FAM234B: variants seen among roughly 807,000 people sequenced by gnomAD.
FAM234B encodes family with sequence similarity 234 member B.
In FAM234B, 33 loss-of-function variants were observed where a neutral mutation model predicts 69.3. The observed-to-expected ratio is 0.48, with a 90% CI of 0.36 to 0.64. The LOEUF is 0.64. Among genes scored for constraint, FAM234B ranks in the 30% least tolerant of loss-of-function variants. FAM234B has a pLI of 0.00. For missense variants in FAM234B, 697 were observed against 769.7 expected (o/e 0.91, Z 1.12); for synonymous variants, 306 against 306.9 (o/e 1.00, Z 0.03).
At chr12:13,069,672 G>A (rs950963772) in intron 9 of FAM234B, among the ~76,000 whole-genome samples, 2 of 152,172 alleles carry the variant, frequency 1.3e-5, no homozygotes, top group Non-Finnish European at 2.9e-5. Context: ...AATCATGAGA[G>A]CAGAGAAAAG....
chr12:13,071,762 AAGG>A (rs1020235306), intron 10 of FAM234B, among the ~76,000 whole-genome samples: 15 of 152,106 alleles, frequency 9.9e-5, no homozygotes, highest in Admixed American at 9.8e-4. Context: ...AGAGAATTTC[AAGG>A]AGGAGTAAGG....
At position 13,080,709 on chromosome 12, in the gene FAM234B, C is replaced by A. The variant is rs1865216313; in HGVS notation, c.*79C>A. The A allele has an allele frequency of 8.0e-7, 1 of 1,247,300 alleles. No individual in the cohort carries two copies. Among genetic ancestry groups the A allele is most frequent in the South Asian group, 1.3e-5 (1 of 79,956 alleles). The allele number at this position is 1,247,300 out of a possible 1,614,324, so 77.3% of individuals were successfully genotyped here. A position where few individuals can be genotyped will look rare whatever the true frequency, so the allele number is the denominator to read the frequency against. Reference sequence around the variant, plus strand: ...CTCTCCTGTCACTGTAAAATCAGTTCTATGGAGAGAAGACTTCTTCGTCCT... The same window carrying A: ...CTCTCCTGTCACTGTAAAATCAGTTATATGGAGAGAAGACTTCTTCGTCCT... On this transcript the variant is annotated 3_prime_UTR_variant, in exon 13 of 13. Transcript: ENST00000197268.
Position 13,068,391 on chromosome 12 carries a change from G to T in FAM234B, c.1230G>T (p.Leu410=), listed in dbSNP as rs1327276262. 6.2e-7 allele frequency: 1 copy of T among 1,614,076 alleles called. No homozygotes were observed. Among genetic ancestry groups the T allele is most frequent in the African/African-American group, 1.3e-5 (1 of 74,922 alleles). ...LLITTRQSLV[L]LRGQNLTPYW... is the part of the protein sequence containing the mutation. Reference sequence around the variant, plus strand: ...TTACAACCAGACAAAGCCTTGTGCTGCTTCGGGGGCAAAATCTGACACCTT... The same window carrying T: ...TTACAACCAGACAAAGCCTTGTGCTTCTTCGGGGGCAAAATCTGACACCTT... Residue 410 remains leucine, a synonymous_variant, in exon 8 of 13, where the codon CTG becomes CTT. Coordinates refer to ENST00000197268, the MANE Select transcript of FAM234B (RefSeq NM_020853.2).
Position 13,067,471 on chromosome 12 carries a change from T to C in FAM234B, c.1142+175T>C, listed in dbSNP as rs1393972395. ...AACATGAGTTAGAAATTTTCTTCTC[T>C]TGGTAACATAATGCGTTGATATCTA... On this transcript the variant is annotated intron_variant, in intron 7 of 12. Coordinates refer to ENST00000197268, the MANE Select transcript of FAM234B (RefSeq NM_020853.2). This position sits in a 1 kb window ranked among gnomAD's most constrained non-coding sequence, Gnocchi z 4.7. 1.3e-5 allele frequency among the ~76,000 whole-genome samples: 2 copies of C among 152,180 alleles called. No homozygotes were observed. The highest frequency in any genetic ancestry group is 2.9e-5 in the Non-Finnish European group (2 of 68,030).
At chr12:13,071,515 C>T (rs1865106837) in intron 10 of FAM234B, 119 bp downstream of exon 10, 1 of 898,216 alleles carries the variant, frequency 1.1e-6, no homozygotes, top group Non-Finnish European at 1.7e-6. Context: ...GGAATAGAAA[C>T]AAGTCAGCAC....
intron 5 of FAM234B, among the ~76,000 whole-genome samples, chr12:13,063,664 T>C (rs559422372): frequency 1.3e-5 from 2 of 152,202 alleles, no homozygotes; most frequent in Admixed American, 1.3e-4. Flanking sequence ...ACAGATAAAA[T>C]AAGAGTAGTC....
chr12:13,075,999 C>A, intron 10 of FAM234B, 27 bp from the exon 11 acceptor site: 1 of 1,528,156 alleles, frequency 6.5e-7, no homozygotes, highest in South Asian at 1.1e-5. Flanking sequence ...GTTACCTTTG[C>A]TCTTCCTTTT....
Position 13,069,295 on chromosome 12 carries a change from CT to C in FAM234B, c.1368+587del, listed in dbSNP as rs1015329955. Among the ~76,000 whole-genome samples the C allele has an allele frequency of 8.3e-4, 127 of 152,250 alleles. 1 individual carries two copies. Among genetic ancestry groups the C allele is most frequent in the African/African-American group, 2.9e-3 (121 of 41,540 alleles). ...ATGATTGGATGGATGACTTTCATTT[CT>C]TTAACATTACAGCAGAATTACAGAG... On this transcript the variant is annotated intron_variant, in intron 9 of 12. Coordinates refer to ENST00000197268, the MANE Select transcript of FAM234B (RefSeq NM_020853.2).
intron 1 of FAM234B, among the ~76,000 whole-genome samples, chr12:13,048,038 A>C (rs1311471270): frequency 6.6e-6 from 1 of 152,218 alleles, no homozygotes; most frequent in Non-Finnish European, 1.5e-5. Flanking sequence ...TTAGTATAAA[A>C]GTATTTATTC....
intron 1 of FAM234B, 38 bp from the exon 2 acceptor site, chr12:13,055,513 C>T (rs777047554): frequency 1.3e-6 from 2 of 1,534,940 alleles, no homozygotes; most frequent in Non-Finnish European, 1.8e-6. Flanking sequence ...TGTCTTCTCC[C>T]CAGTTCCCCT....
intron 3 of FAM234B, among the ~76,000 whole-genome samples, chr12:13,060,764 C>T (rs999039568): frequency 2.0e-5 from 3 of 152,194 alleles, no homozygotes. Context: ...AAATGAGTCA[C>T]GTGTCCCTAT....
Position 13,051,318 on chromosome 12 carries a change from G to A in FAM234B, c.38-4233G>A, listed in dbSNP as rs140253865. ...CCTTTAAACTGTTTTGCTGGGAAGT[G>A]TTTTATTAATGATTTCACTTTGACA... On this transcript the variant is annotated intron_variant, in intron 1 of 12. Coordinates refer to ENST00000197268, the MANE Select transcript of FAM234B (RefSeq NM_020853.2). 1.4e-3 allele frequency among the ~76,000 whole-genome samples: 211 copies of A among 152,338 alleles called. 1 individual carries two copies. Among genetic ancestry groups the A allele is most frequent in the African/African-American group, 4.9e-3 (202 of 41,572 alleles).
chr12:13,044,618 A>G lies in FAM234B; in HGVS notation c.37+178A>G, dbSNP rs1864781717. Reference sequence around the variant, plus strand: ...GGGGTCTCTGTGCCACCAGAGGGCGAGAGGGGCGCCCAGCGGGGCAGGGGT... The same window carrying G: ...GGGGTCTCTGTGCCACCAGAGGGCGGGAGGGGCGCCCAGCGGGGCAGGGGT... On this transcript the variant is annotated intron_variant, in intron 1 of 12. Coordinates refer to ENST00000197268, the MANE Select transcript of FAM234B (RefSeq NM_020853.2). The surrounding 1 kb of genome is among the most constrained non-coding windows in gnomAD (Gnocchi z 5.6). Among the ~76,000 whole-genome samples, 1 of 152,144 alleles carries G rather than the reference A, an allele frequency of 6.6e-6. No individual in the cohort carries two copies. The highest frequency in any genetic ancestry group is 1.5e-5 in the Non-Finnish European group (1 of 68,022).
At chr12:13,062,172 G>A (rs1364246714) in intron 4 of FAM234B, 1 of 164,014 alleles carries the variant, frequency 6.1e-6, no homozygotes, top group African/African-American at 2.4e-5. Flanking sequence ...GAGGCTTGTT[G>A]ACTGGCCTTT....
At chr12:13,064,735 A>C (rs966549837) in intron 5 of FAM234B, among the ~76,000 whole-genome samples, 1 of 152,182 alleles carries the variant, frequency 6.6e-6, no homozygotes, top group Non-Finnish European at 1.5e-5. Context: ...CAGCAGCTTC[A>C]TCCTTGTACT....
intron 10 of FAM234B, among the ~76,000 whole-genome samples, chr12:13,075,628 G>A (rs376010050): frequency 2.1e-3 from 135 of 65,030 alleles, no homozygotes; most frequent in Non-Finnish European, 3.3e-3. Flanking sequence ...TTTTTTTTTT[G>A]TATTTTCGGT....
intron 2 of FAM234B, among the ~76,000 whole-genome samples, chr12:13,057,000 CAG>C (rs1346278574): frequency 7.3e-6 from 1 of 137,554 alleles, no homozygotes; most frequent in African/African-American, 2.8e-5. Flanking sequence ...TTTTTTGCGA[CAG>C]AGTCTTGCTC....
chr12:13,057,768 C>T (rs76709918), intron 2 of FAM234B, among the ~76,000 whole-genome samples: 4,103 of 152,256 alleles, frequency 0.027, 103 homozygotes, highest in African/African-American at 0.057. Flanking sequence ...ACACCACCCC[C>T]GTGGAGAGGA....
Position 13,067,120 on chromosome 12 carries a change from T to G in FAM234B, c.1001-35T>G. On this transcript the variant is annotated intron_variant, in intron 6 of 12. Coordinates refer to ENST00000197268, the MANE Select transcript of FAM234B (RefSeq NM_020853.2). The surrounding 1 kb of genome is among the most constrained non-coding windows in gnomAD (Gnocchi z 4.7). ...TCACCATGGGACAGTTCTGTTAAAT[T>G]CAACTTCTCAGTGTTGGTTCTTCTG... 1 of 1,613,202 alleles carries G rather than the reference T, an allele frequency of 6.2e-7. No individual in the cohort carries two copies. Among genetic ancestry groups the G allele is most frequent in the South Asian group, 1.1e-5 (1 of 91,020 alleles).
Sources: gnomAD v4.1 joint callset for allele counts (sites outside exome capture counted in the v4.1 genomes callset) on GRCh38, gnomAD v4.1.1 for gene constraint, Gnocchi (gnomAD v3.1) non-coding constraint, MANE v1.5 for transcripts, NCBI Gene and HGNC (gene_info 2026-07-23, HGNC 2026-07-21) for gene names.